ASAP2: variants seen among roughly 807,000 people sequenced by gnomAD.
The protein encoded by ASAP2 is arf-GAP with SH3 domain, ANK repeat and PH domain-containing protein 2.
In ASAP2, 45 loss-of-function variants were observed where a neutral mutation model predicts 131.4. That is an observed-to-expected ratio of 0.34 (90% CI 0.27 to 0.44). ASAP2 has a LOEUF of 0.44. Ranked by LOEUF, ASAP2 falls within the 20% of genes least tolerant of loss-of-function variation. The pLI, the probability that ASAP2 is intolerant of heterozygous loss-of-function variation, is 1.00. For missense variants in ASAP2, 1,011 were observed against 1,297.0 expected (o/e 0.78, Z 3.39); for synonymous variants, 510 against 503.0 (o/e 1.01, Z -0.19).
At chr2:9,294,968 C>T (rs1009923801) in intron 2 of ASAP2, among the ~76,000 whole-genome samples, 1 of 152,206 alleles carries the variant, frequency 6.6e-6, no homozygotes, top group Non-Finnish European at 1.5e-5. Flanking sequence ...CACCAGCCCC[C>T]TTCCTGAACC....
At position 9,281,784 on chromosome 2, in the gene ASAP2, C is replaced by G. The variant is rs1667142906; in HGVS notation, c.199+2395C>G. On this transcript the variant is annotated intron_variant, in intron 2 of 27. Coordinates refer to ENST00000281419, the MANE Select transcript of ASAP2 (RefSeq NM_003887.3). The surrounding 1 kb of genome is among the most constrained non-coding windows in gnomAD (Gnocchi z 4.0). ...GTGGTTATCGTTCTTAACCCTTTCC[C>G]AATTCATCTGTCGATGAAACTGTCA... Among the ~76,000 whole-genome samples the G allele has an allele frequency of 6.6e-6, 1 of 152,140 alleles. No homozygotes were observed. The highest frequency in any genetic ancestry group is 6.5e-5 in the Admixed American group (1 of 15,276).
intron 1 of ASAP2, among the ~76,000 whole-genome samples, chr2:9,222,225 C>T (rs572000539): frequency 6.6e-6 from 1 of 152,250 alleles, no homozygotes; most frequent in South Asian, 2.1e-4. Context: ...GCTGCAGTTT[C>T]TTGTATTTAA....
At chr2:9,248,325 T>C (rs1664476730) in intron 1 of ASAP2, among the ~76,000 whole-genome samples, 2 of 152,320 alleles carry the variant, frequency 1.3e-5, no homozygotes, top group South Asian at 4.1e-4. Flanking sequence ...ACAAAATCTG[T>C]TTTATAACCA....
rs569600787 is a variant in ASAP2, at chr2:9,237,212, G to A, written c.126+29982G>A. On this transcript the variant is annotated intron_variant, in intron 1 of 27. Coordinates refer to ENST00000281419, the MANE Select transcript of ASAP2 (RefSeq NM_003887.3). ...AGCCCTGTTTTGTACACATTTTGAT[G>A]GTTAATGTTGCTTTCTGACTTTTGC... 5.9e-5 allele frequency among the ~76,000 whole-genome samples: 9 copies of A among 152,160 alleles called. No individual in the cohort carries two copies. The South Asian group carries it at 1.9e-3, about 32-fold the overall frequency.
At position 9,302,255 on chromosome 2, in the gene ASAP2, C is replaced by T. The variant is rs534562963; in HGVS notation, c.345+4810C>T. Among the ~76,000 whole-genome samples, 34 of 150,946 alleles carry T rather than the reference C, an allele frequency of 2.3e-4. No individual in the cohort carries two copies. The South Asian group carries it at 5.4e-3, about 24-fold the overall frequency. On this transcript the variant is annotated intron_variant, in intron 3 of 27. Coordinates refer to ENST00000281419, the MANE Select transcript of ASAP2 (RefSeq NM_003887.3). ...TGGTGCAGTCTTGGCTCACTGCAGC[C>T]TCTGCCTCTCGCGTTCAAGCGATCC...
chr2:9,332,724 C>T (rs1459407220), intron 7 of ASAP2, among the ~76,000 whole-genome samples: 1 of 152,204 alleles, frequency 6.6e-6, no homozygotes, highest in African/African-American at 2.4e-5. Context: ...ATTTTTCCTA[C>T]TCCTTATCTT....
intron 1 of ASAP2, among the ~76,000 whole-genome samples, chr2:9,243,947 G>C (rs959416081): frequency 6.6e-6 from 1 of 152,098 alleles, no homozygotes; most frequent in Non-Finnish European, 1.5e-5. Flanking sequence ...ATATGTATAT[G>C]AAGTTTTCTT....
At chr2:9,234,409 G>A (rs1663393614) in intron 1 of ASAP2, among the ~76,000 whole-genome samples, 1 of 152,186 alleles carries the variant, frequency 6.6e-6, no homozygotes, top group African/African-American at 2.4e-5. Context: ...GCTAGTGGAG[G>A]GAGAGGAGAC....
At position 9,281,835 on chromosome 2, in the gene ASAP2, G is replaced by A. The variant is rs1258226590; in HGVS notation, c.199+2446G>A. On this transcript the variant is annotated intron_variant, in intron 2 of 27. Transcript: ENST00000281419. This position sits in a 1 kb window ranked among gnomAD's most constrained non-coding sequence, Gnocchi z 4.0. The stretch of plus-strand genomic sequence containing the variant: ...CTGCCTCCCCTGATCACCCCACTGT[G>A]AGCCTCAGGTGAGTAAATACTGCAG... Among the ~76,000 whole-genome samples, 1 of 152,120 alleles carries A rather than the reference G, an allele frequency of 6.6e-6. No individual in the cohort carries two copies. Among genetic ancestry groups the A allele is most frequent in the Non-Finnish European group, 1.5e-5 (1 of 68,032 alleles).
In ASAP2 at chr2:9,288,830, T is replaced by G. The variant is rs150276629; in HGVS notation, c.200-8470T>G. ...TCCAACCCCCTTCTCCTTCCCTGAT[T>G]TGGTCTCAGAGCACCCCTAGGAGGG... On this transcript the variant is annotated intron_variant, in intron 2 of 27. Transcript: ENST00000281419. Among the ~76,000 whole-genome samples the G allele has an allele frequency of 2.6e-3, 400 of 152,136 alleles. 1 individual carries two copies. Among genetic ancestry groups the G allele is most frequent in the African/African-American group, 9.0e-3 (374 of 41,508 alleles).
At chr2:9,376,870 C>A in intron 17 of ASAP2, 38 bp from the exon 18 acceptor site, 2 of 1,561,844 alleles carry the variant, frequency 1.3e-6, no homozygotes, top group Non-Finnish European at 1.8e-6. Flanking sequence ...TTGAATGCTC[C>A]CATTAGAATT....
chr2:9,271,150 G>C lies in ASAP2; in HGVS notation c.127-8167G>C, dbSNP rs1666364851. 7 of 495,974 alleles carry C rather than the reference G, an allele frequency of 1.4e-5. No homozygotes were observed. The South Asian group carries it at 2.8e-4, about 20-fold the overall frequency. The allele number at this position is 495,974 out of a possible 1,614,324, so 30.7% of individuals were successfully genotyped here. ...TTTATTTCATGAAGGAGTTACACTA[G>C]TCCAAGTTAAAAGCGGACCCCAAAT... On this transcript the variant is annotated intron_variant, in intron 1 of 27. Coordinates refer to ENST00000281419, the MANE Select transcript of ASAP2 (RefSeq NM_003887.3).
Position 9,365,448 on chromosome 2 carries a change from TC to T in ASAP2, c.1462-2975del, listed in dbSNP as rs769398702. Among the ~76,000 whole-genome samples, 4 of 152,180 alleles carry T rather than the reference TC, an allele frequency of 2.6e-5. No individual in the cohort carries two copies. In the East Asian group the frequency reaches 7.7e-4, roughly 29 times the overall value. On this transcript the variant is annotated intron_variant, in intron 15 of 27. Transcript: ENST00000281419. ...AGAATGTCACAGCAATTGTTGTCCT[TC>T]CTCATGGAGACATGAAAACAGGACA...
At chr2:9,364,195 A>T (rs991462088) in intron 15 of ASAP2, among the ~76,000 whole-genome samples, 3 of 152,172 alleles carry the variant, frequency 2.0e-5, no homozygotes, top group African/African-American at 4.8e-5. Flanking sequence ...TCTGAAATTG[A>T]ATTTGAGTCA....
intron 1 of ASAP2, among the ~76,000 whole-genome samples, chr2:9,213,650 A>G (rs1281576458): frequency 6.6e-6 from 1 of 152,212 alleles, no homozygotes; most frequent in East Asian, 1.9e-4. Context: ...ATTGAGGTCC[A>G]TTGTACAAGA....
At chr2:9,254,062 C>T (rs911637388) in intron 1 of ASAP2, among the ~76,000 whole-genome samples, 10 of 150,240 alleles carry the variant, frequency 6.7e-5, no homozygotes, top group East Asian at 2.0e-4. Flanking sequence ...AAAAATTAGC[C>T]GGGCGTGGTG....
chr2:9,315,107 C>T (rs781491646), intron 3 of ASAP2, among the ~76,000 whole-genome samples: 2 of 151,894 alleles, frequency 1.3e-5, no homozygotes, highest in Non-Finnish European at 2.9e-5. Flanking sequence ...TGAGCACATG[C>T]GTAGAATCAG....
intron 9 of ASAP2, among the ~76,000 whole-genome samples, chr2:9,336,776 G>A (rs1258758876): frequency 4.6e-5 from 7 of 152,238 alleles, no homozygotes; most frequent in Non-Finnish European, 8.8e-5. Context: ...GTGGGCTAGC[G>A]GTAACGAGGA....
At chr2:9,218,762 A>G in intron 1 of ASAP2, among the ~76,000 whole-genome samples, 2 of 152,132 alleles carry the variant, frequency 1.3e-5, no homozygotes, top group Non-Finnish European at 1.5e-5. Flanking sequence ...GCTGTCTGCA[A>G]CACTTCCCCT....
Sources: gnomAD v4.1 joint callset for allele counts (sites outside exome capture counted in the v4.1 genomes callset) on GRCh38, gnomAD v4.1.1 for gene constraint, Gnocchi (gnomAD v3.1) non-coding constraint, MANE v1.5 for transcripts, NCBI Gene and HGNC (gene_info 2026-07-23, HGNC 2026-07-21) for gene names.